Variants in SETBP1 observed in about 807,000 individuals in gnomAD.
SETBP1 encodes the protein SET binding protein 1.
Under a neutral mutation model 101.0 loss-of-function variants are expected in SETBP1, and 9 were observed. The ratio of observed to expected loss-of-function variants is 0.09; its 90% CI spans 0.05 to 0.16. The LOEUF (loss-of-function observed/expected upper bound fraction) is 0.16. SETBP1 is among the 10% of genes least tolerant of loss of function. The pLI, the probability that SETBP1 is intolerant of heterozygous loss-of-function variation, is 1.00. For missense variants in SETBP1, 1,858 were observed against 2,033.8 expected, an observed-to-expected ratio of 0.91 and a Z score of 1.66; for synonymous variants, 818 against 788.5, an observed-to-expected ratio of 1.04 and a Z score of -0.63.
At chr18:45,056,196 A>T (rs1044017581) in intron 5 of SETBP1, among the ~76,000 whole-genome samples, 4 of 152,218 alleles carry the variant, frequency 2.6e-5, no homozygotes, top group Non-Finnish European at 4.4e-5. Context: ...TGTGGTATAT[A>T]AAGTATTGTA....
At position 44,723,513 on chromosome 18, in the gene SETBP1, A is replaced by T. The variant is rs1011828631; in HGVS notation, c.486+21681A>T. On this transcript the variant is annotated intron_variant, in intron 2 of 5. Transcript: ENST00000649279. ...CAGCGACAGTCGGCGGGGGGAAAAA[A>T]AACAACACCCTTTTTAGTCATCACA... Among the ~76,000 whole-genome samples, 9 of 152,334 alleles carry T rather than the reference A, an allele frequency of 5.9e-5. No homozygotes were observed. The East Asian group carries it at 1.4e-3, about 23-fold the overall frequency.
chr18:44,824,645 T>C (rs1568165797), intron 2 of SETBP1, among the ~76,000 whole-genome samples: 1 of 152,180 alleles, frequency 6.6e-6, no homozygotes, highest in South Asian at 2.1e-4. Flanking sequence ...ATATTCAACA[T>C]TAGCAGAATA....
At chr18:44,873,229 GA>G (rs778182627) in intron 3 of SETBP1, among the ~76,000 whole-genome samples, 188 of 152,300 alleles carry the variant, frequency 1.2e-3, no homozygotes, top group Non-Finnish European at 1.6e-3. Context: ...CCCTTCCCCA[GA>G]TGTTGACAAT....
chr18:44,839,751 A>G (rs1345424120), intron 2 of SETBP1, among the ~76,000 whole-genome samples: 1 of 152,198 alleles, frequency 6.6e-6, no homozygotes, highest in African/African-American at 2.4e-5. Context: ...CCTTCCCTGT[A>G]TGGGTTTTAA....
chr18:44,957,337 A>C (rs2071508598), intron 4 of SETBP1, among the ~76,000 whole-genome samples: 1 of 152,228 alleles, frequency 6.6e-6, no homozygotes, highest in East Asian at 1.9e-4. Context: ...TATGCCAGAT[A>C]CTGAGACCTC....
chr18:44,777,045 G>T (rs1179561329), intron 2 of SETBP1, among the ~76,000 whole-genome samples: 1 of 152,226 alleles, frequency 6.6e-6, no homozygotes, highest in Non-Finnish European at 1.5e-5. Context: ...GCCAGGTGTG[G>T]TGGCTCATGC....
chr18:44,933,317 C>A (rs1373022861), intron 3 of SETBP1, among the ~76,000 whole-genome samples: 1 of 152,224 alleles, frequency 6.6e-6, no homozygotes, highest in Non-Finnish European at 1.5e-5. Context: ...CTGGAAGCTT[C>A]ATCTCAGAGG....
intron 2 of SETBP1, among the ~76,000 whole-genome samples, chr18:44,791,638 C>A (rs1255601647): frequency 6.6e-6 from 1 of 152,072 alleles, no homozygotes; most frequent in East Asian, 1.9e-4. Context: ...GTCATCCATG[C>A]AATTTCCTGC....
chr18:45,006,692 C>G (rs554405309), intron 4 of SETBP1, among the ~76,000 whole-genome samples: 49 of 152,234 alleles, frequency 3.2e-4, no homozygotes, highest in Non-Finnish European at 5.3e-4. Flanking sequence ...AGATTAGGGC[C>G]CACCCTAAAG....
chr18:44,840,880 T>C (rs2072602407), intron 2 of SETBP1, among the ~76,000 whole-genome samples: 1 of 152,230 alleles, frequency 6.6e-6, no homozygotes, highest in African/African-American at 2.4e-5. Context: ...GAATAGGTCC[T>C]GAGTATTAAA....
chr18:44,833,064 A>G (rs1348083980), intron 2 of SETBP1, among the ~76,000 whole-genome samples: 1 of 152,196 alleles, frequency 6.6e-6, no homozygotes, highest in Non-Finnish European at 1.5e-5. Flanking sequence ...TTAGGGGCCT[A>G]AGATACTGGA....
At chr18:44,973,819 G>C (rs754427495) in intron 4 of SETBP1, among the ~76,000 whole-genome samples, 1 of 152,140 alleles carries the variant, frequency 6.6e-6, no homozygotes, top group African/African-American at 2.4e-5. Flanking sequence ...GGGCAGACAC[G>C]CCACACAGAG....
intron 2 of SETBP1, among the ~76,000 whole-genome samples, chr18:44,857,272 G>T (rs894169120): frequency 2.6e-5 from 4 of 152,146 alleles, no homozygotes; most frequent in African/African-American, 9.7e-5. Flanking sequence ...CACCACTTTT[G>T]TTGTGTTATC....
At chr18:44,852,093 A>T (rs2072879663) in intron 2 of SETBP1, among the ~76,000 whole-genome samples, 1 of 152,246 alleles carries the variant, frequency 6.6e-6, no homozygotes, top group Non-Finnish European at 1.5e-5. Context: ...CAAATGGATT[A>T]AATGGGACAG....
At chr18:45,035,298 T>C (rs902307252) in intron 4 of SETBP1, among the ~76,000 whole-genome samples, 2 of 152,234 alleles carry the variant, frequency 1.3e-5, no homozygotes, top group Non-Finnish European at 2.9e-5. Context: ...TTTTTCTTTT[T>C]TAATTTGTTT....
intron 2 of SETBP1, among the ~76,000 whole-genome samples, chr18:44,795,967 C>T (rs2071467759): frequency 6.6e-6 from 1 of 152,234 alleles, no homozygotes; most frequent in Admixed American, 6.5e-5. Flanking sequence ...TGTGAAGATG[C>T]TAGTTCTTCT....
At chr18:44,844,123 T>C (rs925952560) in intron 2 of SETBP1, among the ~76,000 whole-genome samples, 1 of 152,128 alleles carries the variant, frequency 6.6e-6, no homozygotes, top group Non-Finnish European at 1.5e-5. Flanking sequence ...GGGAACGTAT[T>C]TTCTCCCTCA....
chr18:44,931,846 A>G (rs1436552375), intron 3 of SETBP1, among the ~76,000 whole-genome samples: 1 of 152,122 alleles, frequency 6.6e-6, no homozygotes, highest in Non-Finnish European at 1.5e-5. Context: ...TGCACGTGAG[A>G]TGGGTCTCCT....
Position 44,953,041 on chromosome 18 carries a change from T to C in SETBP1, c.3701T>C (p.Leu1234Pro). ...NNFEVDTLST[L>P]SLSDAQHWTQ... Reference sequence around the variant, plus strand: ...TTTGAGGTGGACACCCTGTCTACACTGTCACTTTCCGACGCCCAGCATTGG... The same window carrying C: ...TTTGAGGTGGACACCCTGTCTACACCGTCACTTTCCGACGCCCAGCATTGG... Residue 1234 changes from leucine to proline, a missense_variant, in exon 4 of 6, where the codon CTG becomes CCG. This residue lies in a region of SETBP1 where 417 missense variants were observed against 389.1 expected (regional missense o/e 1.07). Transcript: ENST00000649279. 6.2e-7 allele frequency: 1 copy of C among 1,614,196 alleles called. No individual in the cohort carries two copies. Among genetic ancestry groups the C allele is most frequent in the Non-Finnish European group, 8.5e-7 (1 of 1,180,032 alleles).
Sources: gnomAD v4.1 joint callset for allele counts (sites outside exome capture counted in the v4.1 genomes callset) on GRCh38, gnomAD v4.1.1 for gene constraint, gnomAD v4.1.1 regional missense constraint, MANE v1.5 for transcripts, NCBI Gene and HGNC (gene_info 2026-07-23, HGNC 2026-07-21) for gene names.